The following SERINC5 variants were observed in gnomAD, a reference collection of about 807,000 sequenced individuals.
SERINC5 encodes chromosome 5 open reading frame 12.
SERINC5 carries 41 observed loss-of-function variants against 63.1 expected under a neutral mutation model. The observed-to-expected ratio is 0.65, with a 90% CI of 0.51 to 0.84. SERINC5 has a LOEUF of 0.84. SERINC5 is among the 40% of genes least tolerant of loss of function. SERINC5 has a pLI of 0.00. For synonymous variants in SERINC5, 222 were observed against 215.2 expected (o/e 1.03, Z -0.28); for missense variants, 523 against 573.0 (o/e 0.91, Z 0.89).
chr5:80,165,446 GTGTA>G (rs1325998553), intron 7 of SERINC5, among the ~76,000 whole-genome samples: 4 of 152,106 alleles, frequency 2.6e-5, no homozygotes, highest in African/African-American at 9.7e-5. Context: ...ATATGCTTAT[GTGTA>G]TGTATGTATA....
At chr5:80,228,769 C>A (rs1221018165) in intron 1 of SERINC5, among the ~76,000 whole-genome samples, 1 of 152,164 alleles carries the variant, frequency 6.6e-6, no homozygotes, top group Admixed American at 6.6e-5. Context: ...CATTCACTAT[C>A]ATTCTGCACA....
intron 11 of SERINC5, among the ~76,000 whole-genome samples, chr5:80,115,139 A>G (rs185305193): frequency 6.6e-6 from 1 of 152,140 alleles, no homozygotes; most frequent in East Asian, 1.9e-4. Flanking sequence ...CAACTTCACT[A>G]TAGCGACTGC....
At chr5:80,214,945 G>A (rs1369326877) in intron 1 of SERINC5, among the ~76,000 whole-genome samples, 3 of 150,934 alleles carry the variant, frequency 2.0e-5, no homozygotes, top group Non-Finnish European at 4.4e-5. Context: ...TTTTTACCCC[G>A]CAAGAAAAAA....
At chr5:80,159,015 C>T (rs780617503) in intron 7 of SERINC5, 53 bp from the exon 8 acceptor site, 285 of 1,597,796 alleles carry the variant, frequency 1.8e-4, no homozygotes, top group Non-Finnish European at 2.3e-4. Flanking sequence ...CCAGTTGTAA[C>T]GCACAGAAGC....
At chr5:80,150,788 G>T in intron 9 of SERINC5, 94 bp downstream of exon 9, 5 of 884,784 alleles carry the variant, frequency 5.7e-6, no homozygotes, top group Non-Finnish European at 7.7e-6. Flanking sequence ...ACAGGATCAC[G>T]GAATGCAGAC....
chr5:80,112,550 G>C (rs949880153), intron 12 of SERINC5, among the ~76,000 whole-genome samples: 2 of 152,114 alleles, frequency 1.3e-5, no homozygotes, highest in African/African-American at 4.8e-5. Context: ...TGGGCCCACT[G>C]TTCTTTCTCT....
At chr5:80,116,365 T>G (rs1355993097) in intron 11 of SERINC5, 1 of 456,092 alleles carries the variant, frequency 2.2e-6, no homozygotes, top group African/African-American at 2.0e-5. Flanking sequence ...TTGTGTTCCC[T>G]TCCTCTTCCT....
chr5:80,174,411 A>G (rs1580112761), intron 5 of SERINC5, among the ~76,000 whole-genome samples: 1 of 84,208 alleles, frequency 1.2e-5, no homozygotes, highest in African/African-American at 4.6e-5. Context: ...ATAAAAGAAA[A>G]AGAAAACAAA....
intron 11 of SERINC5, among the ~76,000 whole-genome samples, chr5:80,120,852 C>T (rs1299653135): frequency 1.3e-5 from 2 of 152,064 alleles, no homozygotes; most frequent in Non-Finnish European, 2.9e-5. Context: ...TAAAGAAATA[C>T]CTGAGACTTT....
chr5:80,162,907 T>A (rs1454765852), intron 7 of SERINC5, among the ~76,000 whole-genome samples: 2 of 151,810 alleles, frequency 1.3e-5, no homozygotes, highest in African/African-American at 4.8e-5. Flanking sequence ...GGTGCTGTAG[T>A]GCGATCTTGG....
rs575646199 is a variant in SERINC5 at position 80,174,635 on chromosome 5, G to A, written c.551+319C>T. On this transcript the variant is annotated intron_variant, in intron 5 of 11. Transcript: ENST00000507668. ...AAAACACAGCAAGGCCAGGTGCGGT[G>A]GCTCGAGCCTGTAATCCCAGCACTT... 2.6e-4 allele frequency among the ~76,000 whole-genome samples: 40 copies of A among 152,102 alleles called. No individual in the cohort carries two copies. In the East Asian group the frequency reaches 7.4e-3, roughly 28 times the overall value.
intron 2 of SERINC5, among the ~76,000 whole-genome samples, chr5:80,200,082 T>C (rs1420150551): frequency 6.7e-6 from 1 of 149,704 alleles, no homozygotes; most frequent in Non-Finnish European, 1.5e-5. Context: ...CGATTGAGCC[T>C]GGGAGGTCAA....
intron 1 of SERINC5, among the ~76,000 whole-genome samples, chr5:80,235,723 A>T (rs1751656875): frequency 6.6e-6 from 1 of 152,144 alleles, no homozygotes; most frequent in Non-Finnish European, 1.5e-5. Context: ...CAGCCTCCCA[A>T]GTAGCTGGGA....
rs775005753 is a variant in SERINC5 at position 80,166,453 on chromosome 5, T to C, written c.789A>G (p.Gln263=). Residue 263 remains glutamine (Q), a synonymous_variant, in exon 7 of 12, where the codon CAA becomes CAG. Coordinates refer to ENST00000507668, the MANE Select transcript of SERINC5 (RefSeq NM_001174072.3). The part of the protein sequence containing the change: ...QNRQPHSGLL[Q]SGVISCYVTY... ...TGACATAGCAGCTTATGACCCCTGATTGTAAGAGCCCCGAGTGTGGCTGTC... is the reference window on the plus strand; with the variant it reads ...TGACATAGCAGCTTATGACCCCTGACTGTAAGAGCCCCGAGTGTGGCTGTC... 8 of 1,594,038 alleles carry C rather than the reference T, an allele frequency of 5.0e-6. No homozygotes were observed. In the East Asian group the frequency reaches 9.1e-5, roughly 18 times the overall value.
chr5:80,168,203 T>A (rs1184211430), intron 6 of SERINC5, among the ~76,000 whole-genome samples: 2 of 146,724 alleles, frequency 1.4e-5, no homozygotes, highest in African/African-American at 5.0e-5. Context: ...ACTAGTTGCC[T>A]TTTTTTTTTT....
At chr5:80,149,852 C>G (rs952035580) in intron 9 of SERINC5, among the ~76,000 whole-genome samples, 8 of 152,304 alleles carry the variant, frequency 5.3e-5, no homozygotes, top group African/African-American at 1.9e-4. Flanking sequence ...GTTCTTGGGT[C>G]ACAGCTGAGT....
chr5:80,208,371 T>TA (rs5869025), intron 1 of SERINC5, among the ~76,000 whole-genome samples: 3,893 of 138,882 alleles, frequency 0.028, 79 homozygotes, highest in Middle Eastern at 0.055. Flanking sequence ...AAAACTGCTC[T>TA]AAAAAAAAAA....
downstream of SERINC5, among the ~76,000 whole-genome samples, chr5:80,135,112 G>A (rs1407382855): frequency 1.3e-5 from 2 of 152,172 alleles, no homozygotes; most frequent in Non-Finnish European, 2.9e-5. Context: ...TGCCCAGGCT[G>A]GAGCACAATG....
chr5:80,221,193 A>AAAAT lies in SERINC5; in HGVS notation c.28-18144_28-18141dup, dbSNP rs564718081. ...AAGCAGAACTGGAGCCTGCAGGGTA[A>AAAAT]AAATAAATAAATAAATAAATAAATA... On this transcript the variant is annotated intron_variant, in intron 1 of 11. Coordinates refer to ENST00000507668, the MANE Select transcript of SERINC5 (RefSeq NM_001174072.3). Among the ~76,000 whole-genome samples the AAAAT allele has an allele frequency of 2.3e-3, 350 of 152,184 alleles. 3 individuals carry two copies. Among genetic ancestry groups the AAAAT allele is most frequent in the African/African-American group, 7.2e-3 (297 of 41,510 alleles).
Sources: allele counts gnomAD v4.1 joint callset (sites outside exome capture counted in the v4.1 genomes callset), GRCh38; gene constraint gnomAD v4.1.1; transcripts MANE v1.5; gene names NCBI Gene and HGNC (gene_info 2026-07-23, HGNC 2026-07-21).